Variants in FCHSD2 observed in about 807,000 individuals in gnomAD.
FCHSD2 encodes F-BAR and double SH3 domains protein 2.
FCHSD2 carries 38 observed loss-of-function variants against 108.1 expected under a neutral mutation model. The observed-to-expected ratio is 0.35, with a 90% CI of 0.27 to 0.46. The LOEUF (loss-of-function observed/expected upper bound fraction) is 0.46, where lower values mean the gene tolerates loss of function less well. Among genes scored for constraint, FCHSD2 ranks in the 20% least tolerant of loss-of-function variants. The pLI, the probability that FCHSD2 is intolerant of heterozygous loss-of-function variation, is 1.00. For synonymous variants in FCHSD2, 279 were observed against 314.7 expected (o/e 0.89, Z 1.20); for missense variants, 751 against 897.8 (o/e 0.84, Z 2.09).
Position 72,893,473 on chromosome 11 carries a change from C to T in FCHSD2, c.925-3528G>A, listed in dbSNP as rs151239951. On this transcript the variant is annotated intron_variant, in intron 10 of 19. Transcript: ENST00000409418. ...TGAGACCACAGCATATGCCATCACA[C>T]GCAGATAATTTTTTTGATTTTTAGT... Among the ~76,000 whole-genome samples, 429 of 152,066 alleles carry T rather than the reference C, an allele frequency of 2.8e-3. 3 individuals carry two copies. The highest frequency in any genetic ancestry group is 9.8e-3 in the African/African-American group (407 of 41,474).
chr11:73,061,056 TC>T lies in FCHSD2; in HGVS notation c.165+22638del, dbSNP rs1859147970. ...AATAGGAACAGCTCTGGTCTGCAGC[TC>T]CCAGCAAGATCCTCGCAGAAGGCAG... On this transcript the variant is annotated intron_variant, in intron 3 of 19. Coordinates refer to ENST00000409418, the MANE Select transcript of FCHSD2 (RefSeq NM_014824.3). 2.0e-5 allele frequency among the ~76,000 whole-genome samples: 3 copies of T among 152,184 alleles called. No homozygotes were observed. The South Asian group carries it at 6.2e-4, about 32-fold the overall frequency.
intron 3 of FCHSD2, among the ~76,000 whole-genome samples, chr11:73,058,197 G>T (rs979228119): frequency 1.3e-5 from 2 of 152,038 alleles, no homozygotes; most frequent in African/African-American, 2.4e-5. Flanking sequence ...ATTCTTTAAA[G>T]GTATTGGACC....
intron 5 of FCHSD2, among the ~76,000 whole-genome samples, chr11:72,993,171 C>A (rs1023305273): frequency 1.2e-4 from 19 of 152,318 alleles, no homozygotes; most frequent in African/African-American, 4.1e-4. Flanking sequence ...CTCATCATCA[C>A]TGGCCATCAG....
At chr11:72,979,121 G>A (rs912673441) in intron 8 of FCHSD2, among the ~76,000 whole-genome samples, 2 of 152,062 alleles carry the variant, frequency 1.3e-5, no homozygotes, top group African/African-American at 4.8e-5. Context: ...GCCTCCCAAG[G>A]TGCTGGGATT....
At chr11:73,138,604 A>AT (rs535753859) in intron 2 of FCHSD2, among the ~76,000 whole-genome samples, 1,590 of 119,736 alleles carry the variant, frequency 0.013, 37 homozygotes, top group African/African-American at 0.036. Context: ...TTGCACAGGA[A>AT]TTTTTTTTTT....
chr11:73,095,400 T>TG (rs1365487259), intron 2 of FCHSD2, among the ~76,000 whole-genome samples: 1 of 152,222 alleles, frequency 6.6e-6, no homozygotes, highest in East Asian at 1.9e-4. Flanking sequence ...TAAATGAATG[T>TG]GCAAAACACT....
intron 3 of FCHSD2, among the ~76,000 whole-genome samples, chr11:73,056,466 T>C (rs1289193362): frequency 1.3e-5 from 2 of 152,346 alleles, no homozygotes; most frequent in South Asian, 2.1e-4. Flanking sequence ...AAGTCATACA[T>C]GTTCACAATG....
intron 2 of FCHSD2, among the ~76,000 whole-genome samples, chr11:73,096,654 CT>C (rs1440189914): frequency 6.6e-6 from 1 of 152,030 alleles, no homozygotes; most frequent in East Asian, 1.9e-4. Context: ...AAGGTGCATC[CT>C]TGTGTTCTTC....
At chr11:72,882,119 T>C (rs959982762) in intron 12 of FCHSD2, among the ~76,000 whole-genome samples, 1 of 150,126 alleles carries the variant, frequency 6.7e-6, no homozygotes, top group African/African-American at 2.5e-5. Flanking sequence ...CACTCCAGCC[T>C]GGGTGACAGC....
At chr11:73,095,533 C>G (rs1445411786) in intron 2 of FCHSD2, among the ~76,000 whole-genome samples, 1 of 152,088 alleles carries the variant, frequency 6.6e-6, no homozygotes, top group Non-Finnish European at 1.5e-5. Context: ...GAAATATGAT[C>G]TCCAATAAAA....
At chr11:72,928,828 C>T (rs1856130162) in intron 8 of FCHSD2, among the ~76,000 whole-genome samples, 2 of 143,086 alleles carry the variant, frequency 1.4e-5, no homozygotes, top group Non-Finnish European at 3.2e-5. Flanking sequence ...CCCAGTAACT[C>T]GTCATTTAGC....
intron 2 of FCHSD2, among the ~76,000 whole-genome samples, chr11:73,115,709 C>T (rs1049680473): frequency 2.0e-5 from 3 of 152,202 alleles, no homozygotes; most frequent in African/African-American, 7.2e-5. Flanking sequence ...TAGGGCAGGC[C>T]ATCAGGCTGC....
chr11:72,950,094 A>G (rs1470637099), intron 8 of FCHSD2, among the ~76,000 whole-genome samples: 2 of 152,246 alleles, frequency 1.3e-5, no homozygotes, highest in East Asian at 3.9e-4. Flanking sequence ...GTGGTATTTC[A>G]TTGTGATTTT....
At chr11:72,879,509 T>C (rs1455976344) in intron 12 of FCHSD2, among the ~76,000 whole-genome samples, 1 of 152,150 alleles carries the variant, frequency 6.6e-6, no homozygotes, top group African/African-American at 2.4e-5. Flanking sequence ...ATTGCTGTTA[T>C]AAATATACTT....
At chr11:72,944,820 A>C (rs1856487227) in intron 8 of FCHSD2, among the ~76,000 whole-genome samples, 1 of 152,190 alleles carries the variant, frequency 6.6e-6, no homozygotes, top group Admixed American at 6.5e-5. Flanking sequence ...AGAGAATAAA[A>C]TACCTAGGAA....
At chr11:72,979,504 C>T (rs1204716608) in intron 8 of FCHSD2, among the ~76,000 whole-genome samples, 2 of 151,854 alleles carry the variant, frequency 1.3e-5, no homozygotes, top group African/African-American at 4.8e-5. Context: ...AAAAAACAAA[C>T]AATTAGATCA....
intron 2 of FCHSD2, among the ~76,000 whole-genome samples, chr11:73,108,365 C>T (rs1421980249): frequency 6.6e-6 from 1 of 152,184 alleles, no homozygotes; most frequent in African/African-American, 2.4e-5. Flanking sequence ...TATCTCTTCA[C>T]TTTGTTGATT....
At chr11:73,057,972 C>T (rs1251127595) in intron 3 of FCHSD2, among the ~76,000 whole-genome samples, 1 of 151,944 alleles carries the variant, frequency 6.6e-6, no homozygotes, top group Non-Finnish European at 1.5e-5. Flanking sequence ...CTCCGCCTCC[C>T]GGGTTCACGC....
chr11:72,909,569 C>T (rs1252366431), intron 9 of FCHSD2, among the ~76,000 whole-genome samples: 10 of 151,256 alleles, frequency 6.6e-5, no homozygotes, highest in Admixed American at 6.6e-4. Context: ...TGCCCAGCTG[C>T]CACCCCGTCT....
Sources: allele counts gnomAD v4.1 joint callset (sites outside exome capture counted in the v4.1 genomes callset), GRCh38; gene constraint gnomAD v4.1.1; transcripts MANE v1.5; gene names NCBI Gene and HGNC (gene_info 2026-07-23, HGNC 2026-07-21).